The following PCDH7 variants were observed in gnomAD, a reference collection of about 807,000 sequenced individuals.
The protein encoded by PCDH7 is protocadherin 7.
Under a neutral mutation model 58.9 loss-of-function variants are expected in PCDH7, and 17 were observed. The observed-to-expected ratio is 0.29, with a 90% CI of 0.20 to 0.43. The LOEUF (loss-of-function observed/expected upper bound fraction) is 0.43, where lower values mean the gene tolerates loss of function less well. Among genes scored for constraint, PCDH7 ranks in the 20% least tolerant of loss-of-function variants. PCDH7 has a pLI of 1.00. For missense variants in PCDH7, 1,274 were observed against 1,441.0 expected (o/e 0.88, Z 1.88); for synonymous variants, 664 against 616.4 (o/e 1.08, Z -1.14).
At chr4:30,814,453 T>G (rs963651894) in intron 1 of PCDH7, among the ~76,000 whole-genome samples, 1 of 152,150 alleles carries the variant, frequency 6.6e-6, no homozygotes, top group Non-Finnish European at 1.5e-5. Context: ...CAGTGAATTT[T>G]TAAAACCATA....
chr4:31,021,405 A>G (rs1169709994), intron 3 of PCDH7, among the ~76,000 whole-genome samples: 1 of 152,206 alleles, frequency 6.6e-6, no homozygotes, highest in Non-Finnish European at 1.5e-5. Context: ...GCTAGAAAGA[A>G]ACTAATCAAA....
intron 1 of PCDH7, among the ~76,000 whole-genome samples, chr4:30,832,453 T>C (rs34211313): frequency 0.27 from 41,213 of 152,126 alleles, 6,468 homozygotes; most frequent in African/African-American, 0.44. Context: ...CTGTTAACAG[T>C]GAAGCCTGTT....
At chr4:30,775,200 T>C (rs1721904822) in intron 1 of PCDH7, among the ~76,000 whole-genome samples, 1 of 152,174 alleles carries the variant, frequency 6.6e-6, no homozygotes, top group Non-Finnish European at 1.5e-5. Context: ...TTGTACACCA[T>C]AAGCAGTCTT....
chr4:31,132,829 G>A (rs1278241620), intron 3 of PCDH7, among the ~76,000 whole-genome samples: 1 of 152,162 alleles, frequency 6.6e-6, no homozygotes. Context: ...ACACTGGTTT[G>A]AAGCAAATGT....
intron 3 of PCDH7, among the ~76,000 whole-genome samples, chr4:31,132,744 G>A (rs1017896653): frequency 2.6e-5 from 4 of 151,984 alleles, no homozygotes; most frequent in Non-Finnish European, 5.9e-5. Context: ...GTTCTTATTT[G>A]GACTTCTGTG....
At chr4:30,909,170 G>C (rs1283232651) in intron 1 of PCDH7, among the ~76,000 whole-genome samples, 2 of 152,054 alleles carry the variant, frequency 1.3e-5, no homozygotes, top group Non-Finnish European at 2.9e-5. Context: ...AGGTATTGAT[G>C]GAACATATCT....
intron 1 of PCDH7, among the ~76,000 whole-genome samples, chr4:30,855,369 C>G (rs913044918): frequency 6.6e-6 from 1 of 152,128 alleles, no homozygotes; most frequent in South Asian, 2.1e-4. Flanking sequence ...GCTCATTGCC[C>G]CTTTCCCCAG....
chr4:30,814,210 T>A (rs1727371254), intron 1 of PCDH7, among the ~76,000 whole-genome samples: 1 of 152,044 alleles, frequency 6.6e-6, no homozygotes, highest in African/African-American at 2.4e-5. Flanking sequence ...TGTGTTTGTG[T>A]GTGTGTGTAT....
intron 1 of PCDH7, among the ~76,000 whole-genome samples, chr4:30,760,601 A>G (rs1719897655): frequency 6.6e-6 from 1 of 152,126 alleles, no homozygotes; most frequent in Non-Finnish European, 1.5e-5. Context: ...CACAATTGCC[A>G]CAAAGAGAAT....
intron 3 of PCDH7, among the ~76,000 whole-genome samples, chr4:31,006,022 C>T (rs1752744339): frequency 6.6e-6 from 1 of 152,052 alleles, no homozygotes; most frequent in Non-Finnish European, 1.5e-5. Flanking sequence ...ATATCTATTT[C>T]ATATAGCTGT....
At chr4:30,724,835 G>T in intron 1 of PCDH7, 1 of 1,319,922 alleles carries the variant, frequency 7.6e-7, no homozygotes, top group Non-Finnish European at 9.7e-7. Flanking sequence ...ATTCAGAGTA[G>T]GCAGTGTTTG....
intron 3 of PCDH7, among the ~76,000 whole-genome samples, chr4:31,070,317 A>G (rs1282081753): frequency 5.9e-5 from 9 of 152,064 alleles, no homozygotes; most frequent in Non-Finnish European, 1.2e-4. Context: ...CAAAATGGGC[A>G]TAATTATTTA....
intron 3 of PCDH7, among the ~76,000 whole-genome samples, chr4:31,116,548 T>C (rs549640713): frequency 1.8e-3 from 281 of 152,292 alleles, no homozygotes; most frequent in African/African-American, 6.5e-3. Flanking sequence ...AAGTAGTTGA[T>C]GGGGCTGCTT....
At chr4:30,775,312 C>A (rs1047779837) in intron 1 of PCDH7, among the ~76,000 whole-genome samples, 1 of 152,004 alleles carries the variant, frequency 6.6e-6, no homozygotes, top group African/African-American at 2.4e-5. Context: ...TTTCAGCAAG[C>A]ATTATGTAAT....
intron 1 of PCDH7, among the ~76,000 whole-genome samples, chr4:30,902,903 A>T (rs892749438): frequency 2.0e-5 from 3 of 152,152 alleles, no homozygotes; most frequent in African/African-American, 7.2e-5. Flanking sequence ...CAAGCTTAAG[A>T]ATTCAAACCA....
chr4:30,894,223 A>AACCAG (rs1293092467), intron 1 of PCDH7, among the ~76,000 whole-genome samples: 21 of 151,944 alleles, frequency 1.4e-4, no homozygotes, highest in African/African-American at 3.6e-4. Context: ...AATTCTATTA[A>AACCAG]ACCAGACAAT....
chr4:30,964,502 A>C (rs1318912854), intron 3 of PCDH7, among the ~76,000 whole-genome samples: 1 of 152,050 alleles, frequency 6.6e-6, no homozygotes, highest in Non-Finnish European at 1.5e-5. Context: ...CGGCCTCCCA[A>C]AGTGCTGGGA....
rs190944355 is a variant in PCDH7, at chr4:30,916,978, G to A, written c.71-3175G>A. ...CACATCTAGGTTGAAGAATTATCACGTAAGCTATTCTACTTCAGAGTATCA... is the reference window on the plus strand; with the variant it reads ...CACATCTAGGTTGAAGAATTATCACATAAGCTATTCTACTTCAGAGTATCA... On this transcript the variant is annotated intron_variant, in intron 1 of 3. Transcript: ENST00000509759. 9.5e-4 allele frequency among the ~76,000 whole-genome samples: 145 copies of A among 152,204 alleles called. 1 individual carries two copies. The highest frequency in any genetic ancestry group is 3.3e-3 in the African/African-American group (138 of 41,522).
chr4:30,854,339 CT>C (rs1313026724), intron 1 of PCDH7, among the ~76,000 whole-genome samples: 3 of 148,996 alleles, frequency 2.0e-5, no homozygotes, highest in Non-Finnish European at 4.4e-5. Context: ...TCATTGACAG[CT>C]ATGAAAATCA....
Sources: allele counts gnomAD v4.1 joint callset (sites outside exome capture counted in the v4.1 genomes callset), GRCh38; gene constraint gnomAD v4.1.1; transcripts MANE v1.5; gene names NCBI Gene and HGNC (gene_info 2026-07-23, HGNC 2026-07-21).